DDR2: variants seen among roughly 807,000 people sequenced by gnomAD.
DDR2 encodes the protein discoidin domain receptor tyrosine kinase 2, also known as discoidin domain-containing receptor 2.
DDR2 carries 27 observed loss-of-function variants against 94.9 expected under a neutral mutation model. The observed-to-expected ratio is 0.28, with a 90% CI of 0.21 to 0.39. The LOEUF is 0.39. Ranked by LOEUF, DDR2 falls within the 10% of genes least tolerant of loss-of-function variation. The pLI is 1.00. For missense variants in DDR2, 783 were observed against 1,076.0 expected, an observed-to-expected ratio of 0.73 and a Z score of 3.81; for synonymous variants, 382 against 377.2, an observed-to-expected ratio of 1.01 and a Z score of -0.15.
chr1:162,687,020 T>C (rs939806943), intron 2 of DDR2, among the ~76,000 whole-genome samples: 1 of 152,220 alleles, frequency 6.6e-6, no homozygotes, highest in Non-Finnish European at 1.5e-5. Context: ...AAGGTTTTGG[T>C]TGGGGCTCAG....
chr1:162,708,054 C>A (rs1033783668), intron 2 of DDR2, among the ~76,000 whole-genome samples: 3 of 152,170 alleles, frequency 2.0e-5, no homozygotes, highest in Non-Finnish European at 4.4e-5. Context: ...CTTTCTGTCT[C>A]TGATGGTTTC....
At chr1:162,701,228 T>A (rs1660416238) in intron 2 of DDR2, among the ~76,000 whole-genome samples, 1 of 152,264 alleles carries the variant, frequency 6.6e-6, no homozygotes, top group Admixed American at 6.5e-5. Flanking sequence ...TAATTTTGTC[T>A]TCCAGACCTG....
At chr1:162,768,819 A>G (rs939644873) in intron 11 of DDR2, among the ~76,000 whole-genome samples, 127 of 152,350 alleles carry the variant, frequency 8.3e-4, no homozygotes, top group Non-Finnish European at 4.6e-4. Flanking sequence ...GCAACAGAAG[A>G]CTGAAATACA....
intron 1 of DDR2, among the ~76,000 whole-genome samples, chr1:162,640,162 C>T (rs990023836): frequency 6.6e-6 from 1 of 151,928 alleles, no homozygotes; most frequent in Non-Finnish European, 1.5e-5. Context: ...CTGCCTCAGC[C>T]TCCTGAGTAG....
intron 2 of DDR2, among the ~76,000 whole-genome samples, chr1:162,681,212 C>T (rs1044520395): frequency 4.6e-5 from 7 of 152,080 alleles, no homozygotes; most frequent in Non-Finnish European, 1.5e-5. Context: ...CCTTGACACA[C>T]GGGAGAAAGG....
At chr1:162,729,302 T>TA (rs67580875) in intron 3 of DDR2, among the ~76,000 whole-genome samples, 2,465 of 78,632 alleles carry the variant, frequency 0.031, 63 homozygotes, top group East Asian at 0.22. Flanking sequence ...ATATATATAT[T>TA]TTTTTTTTTT....
chr1:162,696,594 C>T (rs140796711), intron 2 of DDR2, among the ~76,000 whole-genome samples: 1 of 152,216 alleles, frequency 6.6e-6, no homozygotes, highest in East Asian at 1.9e-4. Flanking sequence ...GAAAAAAACA[C>T]TGATTGGATG....
chr1:162,764,548 G>A (rs1246229671), intron 9 of DDR2, among the ~76,000 whole-genome samples: 1 of 152,102 alleles, frequency 6.6e-6, no homozygotes, highest in African/African-American at 2.4e-5. Flanking sequence ...TAACATAAAA[G>A]AGAGGAAGAG....
At chr1:162,672,881 C>T (rs552726766) in intron 2 of DDR2, among the ~76,000 whole-genome samples, 33 of 152,148 alleles carry the variant, frequency 2.2e-4, no homozygotes, top group African/African-American at 8.0e-4. Flanking sequence ...ATGAAGCATC[C>T]CCACTCAGAG....
In DDR2 at chr1:162,735,441, C is replaced by T. The variant is rs190796908; in HGVS notation, c.82+16296C>T. On this transcript the variant is annotated intron_variant, in intron 3 of 17. Transcript: ENST00000367921. ...AGTGGTTAATACACTGTTTGCTACC[C>T]CCTCCCAGCAACCCCACCAGAGTTT... Among the ~76,000 whole-genome samples the T allele has an allele frequency of 2.2e-3, 340 of 152,252 alleles. 2 individuals are homozygous for T. The highest frequency in any genetic ancestry group is 3.8e-3 in the Non-Finnish European group (258 of 68,012).
intron 2 of DDR2, among the ~76,000 whole-genome samples, chr1:162,714,067 T>C (rs1661043674): frequency 6.6e-6 from 1 of 152,202 alleles, no homozygotes. Context: ...AGAGGTTGAA[T>C]ACTTTTAGAT....
At chr1:162,692,197 GT>G (rs1000916334) in intron 2 of DDR2, among the ~76,000 whole-genome samples, 1 of 152,110 alleles carries the variant, frequency 6.6e-6, no homozygotes, top group African/African-American at 2.4e-5. Flanking sequence ...TCCCACCACC[GT>G]TTAGAAAGTG....
intron 2 of DDR2, among the ~76,000 whole-genome samples, chr1:162,673,653 G>C (rs907568631): frequency 6.6e-6 from 1 of 151,420 alleles, no homozygotes; most frequent in Non-Finnish European, 1.5e-5. Context: ...GAGACAGCAA[G>C]AGAGAGCCAG....
chr1:162,741,434 G>A (rs950813222), intron 3 of DDR2, among the ~76,000 whole-genome samples: 31 of 151,626 alleles, frequency 2.0e-4, no homozygotes, highest in Non-Finnish European at 4.0e-4. Context: ...TTGGATTTTA[G>A]ATTTTTGGAT....
At chr1:162,692,910 A>G (rs1360659558) in intron 2 of DDR2, among the ~76,000 whole-genome samples, 1 of 152,206 alleles carries the variant, frequency 6.6e-6, no homozygotes, top group Non-Finnish European at 1.5e-5. Flanking sequence ...ATGGCTCCAA[A>G]TTGGAAATAC....
chr1:162,699,434 T>C (rs1057459706), intron 2 of DDR2, among the ~76,000 whole-genome samples: 2 of 152,228 alleles, frequency 1.3e-5, no homozygotes, highest in African/African-American at 4.8e-5. Flanking sequence ...TGTCTTGTAC[T>C]GTGAACCCAA....
intron 12 of DDR2, among the ~76,000 whole-genome samples, chr1:162,771,642 A>G (rs1490124031): frequency 1.3e-5 from 2 of 152,156 alleles, no homozygotes; most frequent in Non-Finnish European, 2.9e-5. Flanking sequence ...AAAGTTTTTT[A>G]TACCTAAAAT....
intron 3 of DDR2, among the ~76,000 whole-genome samples, chr1:162,740,701 G>A (rs772643202): frequency 6.6e-6 from 1 of 152,172 alleles, no homozygotes; most frequent in Non-Finnish European, 1.5e-5. Flanking sequence ...TAAACTCAGT[G>A]ACAAAAGGCA....
chr1:162,646,904 T>G (rs979389035), intron 1 of DDR2, among the ~76,000 whole-genome samples: 3 of 152,226 alleles, frequency 2.0e-5, no homozygotes, highest in African/African-American at 7.2e-5. Flanking sequence ...TGTGTAAAAC[T>G]GCATTAGACT....
Sources: allele counts gnomAD v4.1 joint callset (sites outside exome capture counted in the v4.1 genomes callset), GRCh38; gene constraint gnomAD v4.1.1; transcripts MANE v1.5; gene names NCBI Gene and HGNC (gene_info 2026-07-23, HGNC 2026-07-21).